TGM2: variants seen among roughly 807,000 people sequenced by gnomAD.
TGM2 encodes protein-glutamine gamma-glutamyltransferase 2.
TGM2 carries 53 observed loss-of-function variants against 75.6 expected under a neutral mutation model. That is an observed-to-expected ratio of 0.70 (90% CI 0.56 to 0.88). TGM2 has a LOEUF of 0.88. Ranked by LOEUF, TGM2 falls within the 40% of genes least tolerant of loss-of-function variation. The probability of loss-of-function intolerance (pLI) is 0.00; values close to 1 mark genes in which losing one functional copy is unlikely to be tolerated. For missense variants in TGM2, 842 were observed against 928.5 expected (o/e 0.91, Z 1.21); for synonymous variants, 374 against 381.1 (o/e 0.98, Z 0.22).
intron 10 of TGM2, 148 bp from the exon 11 acceptor site, chr20:38,132,648 G>A (rs747315669): frequency 1.3e-5 from 14 of 1,102,710 alleles, no homozygotes; most frequent in Non-Finnish European, 1.9e-5. Flanking sequence ...ACTCCCCACT[G>A]TGGCTCCAGG....
chr20:38,145,043 G>A (rs1172004941), intron 6 of TGM2, among the ~76,000 whole-genome samples: 1 of 152,208 alleles, frequency 6.6e-6, no homozygotes, highest in Non-Finnish European at 1.5e-5. Flanking sequence ...TTGAAAAGAG[G>A]TGTTTTAGGG....
intron 6 of TGM2, 27 bp from the exon 7 acceptor site, chr20:38,142,226 T>C (rs754449089): frequency 9.3e-6 from 15 of 1,613,550 alleles, no homozygotes; most frequent in Non-Finnish European, 1.3e-5. Flanking sequence ...GAAAGCGGGG[T>C]GAGGTCCTGG....
chr20:38,168,321 T>C (rs761000), upstream of TGM2, among the ~76,000 whole-genome samples: 71,315 of 152,070 alleles, frequency 0.47, 19,200 homozygotes, highest in Non-Finnish European at 0.62. Flanking sequence ...CCTCTCTGGG[T>C]TTCAGTTTTC....
At chr20:38,148,142 C>CGGG in intron 4 of TGM2, 53 bp from the exon 5 acceptor site, 1 of 1,612,072 alleles carries the variant, frequency 6.2e-7, no homozygotes, top group South Asian at 1.1e-5. Context: ...GCACCTCCTC[C>CGGG]AGGAAGCCTG....
rs45497901 is a variant in TGM2 at position 38,153,449 on chromosome 20, C to T, written c.434-2392G>A. The stretch of plus-strand genomic sequence containing the variant: ...CTGAGGCATGAGAATCATTTCAACC[C>T]GGGAGGCAGAGGTTGGAGTGAGGCG... On this transcript the variant is annotated intron_variant, in intron 3 of 12. Coordinates refer to ENST00000361475, the MANE Select transcript of TGM2 (RefSeq NM_004613.4). Among the ~76,000 whole-genome samples, 332 of 147,488 alleles carry T rather than the reference C, an allele frequency of 2.3e-3. 2 individuals carry two copies. Among genetic ancestry groups the T allele is most frequent in the African/African-American group, 8.0e-3 (317 of 39,430 alleles).
intron 1 of TGM2, among the ~76,000 whole-genome samples, chr20:38,164,000 C>T (rs2075283552): frequency 6.6e-6 from 1 of 152,192 alleles, no homozygotes; most frequent in Non-Finnish European, 1.5e-5. Flanking sequence ...TAGAAAGGGC[C>T]TAGGCCTTCT....
chr20:38,165,036 C>A (rs550359754), intron 1 of TGM2, among the ~76,000 whole-genome samples, 153 bp downstream of exon 1: 3 of 152,358 alleles, frequency 2.0e-5, no homozygotes, highest in African/African-American at 7.2e-5. Flanking sequence ...GATGGGGAAA[C>A]TGAGGCTCCA....
intron 9 of TGM2, 103 bp from the exon 10 acceptor site, chr20:38,138,488 C>T (rs999077339): frequency 1.0e-5 from 16 of 1,598,406 alleles, no homozygotes; most frequent in Admixed American, 3.4e-5. Context: ...TGACTCAGGG[C>T]AGCCATGAAG....
chr20:38,131,737 G>A (rs1321412884), intron 11 of TGM2, among the ~76,000 whole-genome samples: 2 of 152,126 alleles, frequency 1.3e-5, no homozygotes, highest in African/African-American at 2.4e-5. Flanking sequence ...GTTGCCCTTA[G>A]GGGTTGTGGG....
intron 11 of TGM2, 123 bp from the exon 12 acceptor site, chr20:38,131,352 C>G (rs1030514751): frequency 1.5e-6 from 2 of 1,331,404 alleles, no homozygotes; most frequent in African/African-American, 3.0e-5. Flanking sequence ...CACGATCACC[C>G]CCCCTCCCCC....
At chr20:38,149,112 C>G (rs1462658053) in intron 4 of TGM2, among the ~76,000 whole-genome samples, 1 of 152,182 alleles carries the variant, frequency 6.6e-6, no homozygotes, top group South Asian at 2.1e-4. Flanking sequence ...TACAATATAC[C>G]TCTCAGGCAC....
At chr20:38,137,789 C>T (rs1030315699) in intron 10 of TGM2, among the ~76,000 whole-genome samples, 4 of 152,106 alleles carry the variant, frequency 2.6e-5, no homozygotes, top group South Asian at 2.1e-4. Flanking sequence ...AGGGGTCACA[C>T]GAAGATGAGG....
rs761790710 is a variant in TGM2 at position 38,142,045 on chromosome 20, A to G, written c.995+19T>C. 5 of 1,613,528 alleles carry G rather than the reference A, an allele frequency of 3.1e-6. No individual in the cohort carries two copies. In the South Asian group the frequency reaches 4.4e-5, roughly 14 times the overall value. On this transcript the variant is annotated intron_variant, in intron 7 of 12. Coordinates refer to ENST00000361475, the MANE Select transcript of TGM2 (RefSeq NM_004613.4). ...GCCCTCCCTACTGGGCTCCGATCCC[A>G]CCCTGGCCCCCACCTCACCAGATCA...
intron 2 of TGM2, 42 bp downstream of exon 2, chr20:38,161,378 T>C (rs1189904153): frequency 1.2e-6 from 2 of 1,602,266 alleles, no homozygotes; most frequent in Non-Finnish European, 1.7e-6. Flanking sequence ...GAGGAAGTGG[T>C]GGTGGTGGTG....
chr20:38,132,682 T>G, intron 10 of TGM2, 182 bp from the exon 11 acceptor site: 3 of 818,976 alleles, frequency 3.7e-6, no homozygotes, highest in Non-Finnish European at 6.1e-6. Flanking sequence ...AGCTGGAGAG[T>G]GGACACTGAG....
chr20:38,138,693 G>A (rs2074931735), intron 9 of TGM2, among the ~76,000 whole-genome samples: 1 of 152,180 alleles, frequency 6.6e-6, no homozygotes, highest in Admixed American at 6.5e-5. Flanking sequence ...CTAAGGCTGT[G>A]TTTTACTTAT....
At chr20:38,134,245 C>G (rs1160325899) in intron 10 of TGM2, among the ~76,000 whole-genome samples, 1 of 152,208 alleles carries the variant, frequency 6.6e-6, no homozygotes, top group Non-Finnish European at 1.5e-5. Context: ...CCGACCTGCC[C>G]ACCTCTTTGG....
rs762470175 is a variant in TGM2 at position 38,138,330 on chromosome 20, G to A, written c.1398C>T (p.Ala466=). 9 of 1,613,976 alleles carry A rather than the reference G, an allele frequency of 5.6e-6. No individual in the cohort carries two copies. In the Middle Eastern group the frequency reaches 4.9e-4, roughly 89 times the overall value. ...FTRANHLNKL[A]EKEETGMAMR... is the part of the protein sequence containing the mutation. ...TGGCCATCCCTGTCTCCTCCTTCTC[G>A]GCCAGTTTGTTCAGGTGGTTCGCCC... Residue 466 remains alanine (A), a synonymous_variant, in exon 10 of 13, where the codon GCC becomes GCT. Transcript: ENST00000361475.
chr20:38,140,346 A>G (rs1046102755), intron 8 of TGM2, among the ~76,000 whole-genome samples: 2 of 152,232 alleles, frequency 1.3e-5, no homozygotes, highest in Admixed American at 6.5e-5. Context: ...TATCTGCTGG[A>G]GAAATGCCAA....
Sources: allele counts gnomAD v4.1 joint callset (sites outside exome capture counted in the v4.1 genomes callset), GRCh38; gene constraint gnomAD v4.1.1; transcripts MANE v1.5; gene names NCBI Gene and HGNC (gene_info 2026-07-23, HGNC 2026-07-21).